Variants in SPATA17 observed in about 807,000 individuals in gnomAD.
SPATA17 encodes spermatogenesis-associated protein 17.
A neutral mutation model predicts 62.2 loss-of-function variants in SPATA17; 53 were observed. That is an observed-to-expected ratio of 0.85 (90% CI 0.68 to 1.07). The LOEUF (loss-of-function observed/expected upper bound fraction) is 1.07, where lower values mean the gene tolerates loss of function less well. Ranked by LOEUF, SPATA17 falls within the 50% of genes least tolerant of loss-of-function variation. The pLI is 0.00. For missense variants in SPATA17, 466 were observed against 425.5 expected, an observed-to-expected ratio of 1.10 and a Z score of -0.84; for synonymous variants, 146 against 146.8, an observed-to-expected ratio of 0.99 and a Z score of 0.04.
At chr1:217,859,411 G>C (rs772213872) in intron 9 of SPATA17, among the ~76,000 whole-genome samples, 1 of 151,232 alleles carries the variant, frequency 6.6e-6, no homozygotes, top group East Asian at 1.9e-4. Context: ...GTCTTGCTAC[G>C]TATATATATA....
intron 5 of SPATA17, among the ~76,000 whole-genome samples, chr1:217,720,749 A>G (rs12060712): frequency 0.04 from 6,093 of 152,278 alleles, 376 homozygotes; most frequent in African/African-American, 0.14. Flanking sequence ...AGAATACAGA[A>G]ATAGTAAATA....
chr1:217,698,722 G>T (rs58618370), intron 5 of SPATA17, among the ~76,000 whole-genome samples: 1 of 152,142 alleles, frequency 6.6e-6, no homozygotes, highest in Non-Finnish European at 1.5e-5. Flanking sequence ...CTTTGTGTGT[G>T]TGTGTGTCTG....
chr1:217,687,979 T>C (rs1671257240), intron 5 of SPATA17, among the ~76,000 whole-genome samples: 1 of 152,238 alleles, frequency 6.6e-6, no homozygotes, highest in Admixed American at 6.5e-5. Context: ...GATTAGTTAT[T>C]GTGAACTTAA....
At chr1:217,806,373 G>A (rs375121857) in intron 9 of SPATA17, among the ~76,000 whole-genome samples, 78 of 152,164 alleles carry the variant, frequency 5.1e-4, no homozygotes, top group African/African-American at 1.7e-3. Flanking sequence ...CTAGAGAGGC[G>A]GCCCCACTCT....
intron 10 of SPATA17, among the ~76,000 whole-genome samples, chr1:217,864,283 T>C (rs1571849911): frequency 6.6e-6 from 1 of 152,290 alleles, no homozygotes; most frequent in East Asian, 1.9e-4. Context: ...CTGTTTATGA[T>C]AATGAAAGAT....
At chr1:217,631,580 G>A in intron 1 of SPATA17, 134 bp downstream of exon 1, 1 of 845,548 alleles carries the variant, frequency 1.2e-6, no homozygotes, top group Non-Finnish European at 1.9e-6. Context: ...TCCCTTAATG[G>A]GCTGCAAACA....
chr1:217,683,620 T>G (rs1671151225), intron 5 of SPATA17, among the ~76,000 whole-genome samples: 2 of 152,144 alleles, frequency 1.3e-5, no homozygotes, highest in South Asian at 4.2e-4. Context: ...TTTCTATTTT[T>G]TAGTAGAGAC....
intron 9 of SPATA17, among the ~76,000 whole-genome samples, chr1:217,853,455 A>T (rs1437300819): frequency 1.3e-5 from 2 of 152,108 alleles, no homozygotes; most frequent in Non-Finnish European, 2.9e-5. Flanking sequence ...TCATTCATTT[A>T]GTGGCTTGTT....
chr1:217,634,182 G>A (rs1264887392), intron 1 of SPATA17, among the ~76,000 whole-genome samples: 1 of 152,210 alleles, frequency 6.6e-6, no homozygotes, highest in Admixed American at 6.5e-5. Flanking sequence ...GGTTCACCTT[G>A]CCTGTTGCCT....
rs1188300100 is a variant in SPATA17, at chr1:217,749,943, TTCTCTC to T, written c.519+7883_519+7888del. Among the ~76,000 whole-genome samples, 189 of 41,430 alleles carry T rather than the reference TTCTCTC, an allele frequency of 4.6e-3. 4 individuals are homozygous for T. Among genetic ancestry groups the T allele is most frequent in the Middle Eastern group, 0.037 (2 of 54 alleles). The allele number at this position is 41,430 out of a possible 152,430, so 27.2% of individuals were successfully genotyped here. A position where few individuals can be genotyped will look rare whatever the true frequency, so the allele number is the denominator to read the frequency against. ...TATCCTAGAGAAATTTGTCATAAGA[TTCTCTC>T]TCTCTCTCTCTCTCTCTCTCTCTCT... On this transcript the variant is annotated intron_variant, in intron 6 of 10. Coordinates refer to ENST00000366933, the MANE Select transcript of SPATA17 (RefSeq NM_138796.4).
intron 5 of SPATA17, among the ~76,000 whole-genome samples, chr1:217,688,530 T>C (rs1440152485): frequency 6.6e-6 from 1 of 152,222 alleles, no homozygotes; most frequent in African/African-American, 2.4e-5. Context: ...TGTCACATAT[T>C]TTAGACTGTC....
At chr1:217,828,659 G>A (rs1026699388) in intron 9 of SPATA17, among the ~76,000 whole-genome samples, 5 of 151,490 alleles carry the variant, frequency 3.3e-5, no homozygotes, top group African/African-American at 4.8e-5. Flanking sequence ...ACATGAAAAG[G>A]CAACCTACAA....
intron 8 of SPATA17, chr1:217,784,943 TA>T (rs1339311328): frequency 6.6e-6 from 1 of 152,152 alleles, no homozygotes; most frequent in Non-Finnish European, 1.5e-5. Context: ...ACGGATGGCT[TA>T]AAAACATAGA....
At chr1:217,853,171 A>C (rs1474449516) in intron 9 of SPATA17, among the ~76,000 whole-genome samples, 1 of 152,190 alleles carries the variant, frequency 6.6e-6, no homozygotes, top group East Asian at 1.9e-4. Context: ...AAATTAGTCT[A>C]ACAAACATGA....
chr1:217,778,234 G>A (rs1673641148), intron 7 of SPATA17, among the ~76,000 whole-genome samples: 3 of 152,138 alleles, frequency 2.0e-5, no homozygotes, highest in African/African-American at 7.2e-5. Flanking sequence ...ACTGCTGGTG[G>A]GCGCGGTGGC....
intron 7 of SPATA17, among the ~76,000 whole-genome samples, chr1:217,778,667 A>C (rs1673656261): frequency 6.6e-6 from 1 of 152,188 alleles, no homozygotes; most frequent in East Asian, 1.9e-4. Flanking sequence ...AGGGCATGTA[A>C]ATATTTCTGA....
intron 5 of SPATA17, among the ~76,000 whole-genome samples, chr1:217,690,951 C>T (rs1571734246): frequency 6.8e-6 from 1 of 146,684 alleles, no homozygotes; most frequent in Non-Finnish European, 1.5e-5. Context: ...AATAAACGTA[C>T]GTGTGCATGT....
chr1:217,791,042 GATA>G (rs1673985900), intron 8 of SPATA17, among the ~76,000 whole-genome samples: 1 of 152,126 alleles, frequency 6.6e-6, no homozygotes, highest in South Asian at 2.1e-4. Context: ...TATATTTTCA[GATA>G]ATGTTTTAAC....
At chr1:217,744,306 CA>C (rs929634781) in intron 6 of SPATA17, among the ~76,000 whole-genome samples, 1 of 97,048 alleles carries the variant, frequency 1.0e-5, no homozygotes, top group East Asian at 2.3e-4. Context: ...ACTAAAAATA[CA>C]AAAAAATTAG....
Sources: allele counts gnomAD v4.1 joint callset (sites outside exome capture counted in the v4.1 genomes callset), GRCh38; gene constraint gnomAD v4.1.1; transcripts MANE v1.5; gene names NCBI Gene and HGNC (gene_info 2026-07-23, HGNC 2026-07-21).